The following RASL12 variants were observed in gnomAD, a reference collection of about 807,000 sequenced individuals.
RASL12 encodes ras-like protein family member 12.
In RASL12, 16 loss-of-function variants were observed where a neutral mutation model predicts 22.9. The observed-to-expected ratio is 0.70, with a 90% CI of 0.47 to 1.06. The LOEUF (loss-of-function observed/expected upper bound fraction) is 1.06, where lower values mean the gene tolerates loss of function less well. RASL12 is among the 50% of genes least tolerant of loss of function. The pLI is 0.00. For missense variants in RASL12, 306 were observed against 353.1 expected (o/e 0.87, Z 1.07); for synonymous variants, 159 against 152.2 (o/e 1.04, Z -0.33).
At chr15:65,068,100 C>A, upstream of RASL12, 3 of 1,046,132 alleles carry the variant, frequency 2.9e-6, no homozygotes, top group Non-Finnish European at 3.4e-6. This position sits in a 1 kb window ranked among gnomAD's most constrained non-coding sequence, Gnocchi z 4.2. Flanking sequence ...CGCGCTCAGC[C>A]GGCTCCTGGA....
chr15:65,057,191 G>A (rs1055980629), intron 4 of RASL12, among the ~76,000 whole-genome samples: 3 of 152,118 alleles, frequency 2.0e-5, no homozygotes, highest in Admixed American at 1.3e-4. Context: ...CATCTGACCC[G>A]TTCTAAACAA....
At position 65,055,183 on chromosome 15, in the gene RASL12, G is replaced by A. The variant is rs1243823740; in HGVS notation, c.517C>T (p.Gln173Ter). The A allele has an allele frequency of 6.2e-7, 1 of 1,612,466 alleles. No homozygotes were observed. The highest frequency in any genetic ancestry group is 1.7e-5 in the Admixed American group (1 of 59,932). The part of the protein sequence containing the change: ...VSACLDFEHV[Q>*]HVFHEAVREA... ...CGCACTGCCTCGTGGAAGACATGCT[G>A]CACGTGCTCAAAGTCCAGACAGGCA... Residue 173 changes from glutamine (Q) to a stop codon, truncating the protein, a stop_gained, in exon 5 of 5, where the codon CAG becomes TAG. Transcript: ENST00000220062. LOFTEE classifies it high-confidence loss of function.
At chr15:65,071,305 A>G (rs2414872), upstream of RASL12, among the ~76,000 whole-genome samples, 130,690 of 152,090 alleles carry the variant, frequency 0.86, 56,225 homozygotes, top group East Asian at 0.99. Context: ...CACACAGTGT[A>G]GGGGATGCGG....
rs776965372 is a variant in RASL12, at chr15:65,058,545, G to A, written c.307C>T (p.Arg103Cys). ...CTGCTGCTGCTATCAAAGCTCTGGC[G>A]GCTGTCGACGCTGTACACCACCAGG... is the stretch of plus-strand genomic sequence containing the variant. ...AFLVVYSVDS[R>C]QSFDSSSSYL... Residue 103 changes from arginine to cysteine, a missense_variant, in exon 4 of 5, where the codon CGC becomes TGC. Transcript: ENST00000220062. 28 of 1,611,370 alleles carry A rather than the reference G, an allele frequency of 1.7e-5. No individual in the cohort carries two copies. Among genetic ancestry groups the A allele is most frequent in the South Asian group, 9.9e-5 (9 of 90,706 alleles).
At chr15:65,075,038 G>A (rs918448368) in intron 1 of RASL12, among the ~76,000 whole-genome samples, 7 of 152,238 alleles carry the variant, frequency 4.6e-5, no homozygotes, top group Admixed American at 3.3e-4. Context: ...AGGCGCGAGC[G>A]GGAACCGGGG....
At chr15:65,053,272 CTTTTT>C (rs989710646), downstream of RASL12, 83 of 1,435,702 alleles carry the variant, frequency 5.8e-5, no homozygotes, top group Admixed American at 1.2e-4. Context: ...CCGCTTTTTT[CTTTTT>C]CTTTCTTTCT....
upstream of RASL12, among the ~76,000 whole-genome samples, chr15:65,069,337 G>C (rs1172749163): frequency 6.6e-6 from 1 of 152,188 alleles, no homozygotes; most frequent in Non-Finnish European, 1.5e-5. Context: ...AATGGCCAAG[G>C]GTTTTCCTTT....
Position 65,062,332 on chromosome 15 carries a change from C to T in RASL12, c.160+2885G>A, listed in dbSNP as rs79585136. ...CGGTGCAACTCTTACACAGCCAGAG[C>T]ACAGGCTATTGGTCCCATCTTCCAG... On this transcript the variant is annotated intron_variant, in intron 2 of 4. Transcript: ENST00000220062. Among the ~76,000 whole-genome samples the T allele has an allele frequency of 1.7e-3, 256 of 152,332 alleles. 1 individual carries two copies. The highest frequency in any genetic ancestry group is 5.9e-3 in the African/African-American group (246 of 41,576).
intron 1 of RASL12, among the ~76,000 whole-genome samples, chr15:65,073,054 C>G (rs1389986404): frequency 6.6e-6 from 1 of 151,924 alleles, no homozygotes; most frequent in Non-Finnish European, 1.5e-5. Context: ...AAAAAAGAAA[C>G]AAACAAACAA....
downstream of RASL12, chr15:65,051,576 C>T: frequency 6.2e-7 from 1 of 1,613,620 alleles, no homozygotes; most frequent in Non-Finnish European, 8.5e-7. Flanking sequence ...TAAGCATGGT[C>T]CTCCTGGGAA....
At chr15:65,059,235 G>T in intron 3 of RASL12, 110 bp downstream of exon 3, 4 of 886,578 alleles carry the variant, frequency 4.5e-6, no homozygotes, top group Non-Finnish European at 5.6e-6. Flanking sequence ...CAGCAAAGTT[G>T]AGCTTAAAAG....
At chr15:65,073,727 T>C (rs2086947111) in intron 1 of RASL12, among the ~76,000 whole-genome samples, 1 of 152,202 alleles carries the variant, frequency 6.6e-6, no homozygotes, top group African/African-American at 2.4e-5. Context: ...AGTCTCTTCA[T>C]ATATGAAATA....
downstream of RASL12, among the ~76,000 whole-genome samples, chr15:65,052,699 C>T (rs1339777622): frequency 6.6e-6 from 1 of 152,040 alleles, no homozygotes. Context: ...ACCTGGTCTC[C>T]TTGAAGCACA....
At chr15:65,073,084 A>T (rs569241354) in intron 1 of RASL12, among the ~76,000 whole-genome samples, 50 of 152,108 alleles carry the variant, frequency 3.3e-4, no homozygotes, top group African/African-American at 1.2e-3. Context: ...AAACCAACGA[A>T]CCAAACAAAC....
In RASL12 at chr15:65,054,696, G is replaced by A. The variant is rs916768442; in HGVS notation, c.*203C>T. The A allele has an allele frequency of 9.3e-6, 13 of 1,400,746 alleles. No individual in the cohort carries two copies. The African/African-American group carries it at 1.3e-4, about 14-fold the overall frequency. The allele number at this position is 1,400,746 out of a possible 1,614,324, so 86.8% of individuals were successfully genotyped here. On this transcript the variant is annotated 3_prime_UTR_variant, in exon 5 of 5. Coordinates refer to ENST00000220062, the MANE Select transcript of RASL12 (RefSeq NM_016563.4). ...CGGCCACAGACGCGGTGGTTACCAT[G>A]AAGACCAAGGCCTGGAGGGAACAGA... is the stretch of plus-strand genomic sequence containing the variant.
the RASL12 span, among the ~76,000 whole-genome samples, chr15:65,048,298 G>A: frequency 6.6e-6 from 1 of 151,948 alleles, no homozygotes; most frequent in Non-Finnish European, 1.5e-5. Context: ...AGTCAGTATT[G>A]TATTTGTGTC....
rs2086714430 is a variant in RASL12, at chr15:65,055,157, T to G, written c.543A>C (p.Arg181=). Reference sequence around the variant, plus strand: ...TCTTCTCCAGCTCCCGCCGTGCCTCTCGCACTGCCTCGTGGAAGACATGCT... The same window carrying G: ...TCTTCTCCAGCTCCCGCCGTGCCTCGCGCACTGCCTCGTGGAAGACATGCT... The part of the protein sequence containing the change: ...HVQHVFHEAV[R]EARRELEKSP... The change falls in exon 5 of 5, where the codon CGA becomes CGC. Residue 181 remains arginine (R), a synonymous_variant. Coordinates refer to ENST00000220062, the MANE Select transcript of RASL12 (RefSeq NM_016563.4). 9 of 1,612,400 alleles carry G rather than the reference T, an allele frequency of 5.6e-6. No individual in the cohort carries two copies. The highest frequency in any genetic ancestry group is 7.6e-6 in the Non-Finnish European group (9 of 1,179,662).
chr15:65,067,009 C>A (rs2086885812), intron 1 of RASL12, among the ~76,000 whole-genome samples: 1 of 152,228 alleles, frequency 6.6e-6, no homozygotes, highest in Admixed American at 6.5e-5. Context: ...CAATCCCATG[C>A]ACCTGGAACC....
rs777830424 is a variant in RASL12, at chr15:65,067,839, G to A, written c.-4C>T. The A allele has an allele frequency of 7.2e-6, 11 of 1,519,308 alleles. No individual in the cohort carries two copies. Among genetic ancestry groups the A allele is most frequent in the Non-Finnish European group, 9.7e-6 (11 of 1,138,874 alleles). The allele number at this position is 1,519,308 out of a possible 1,614,324, so 94.1% of individuals were successfully genotyped here. ...GTTTTCCAAACACCGAGGACATGGC[G>A]ACGCCCTGGACGGCCACGCAGGTCT... On this transcript the variant is annotated 5_prime_UTR_variant, in exon 1 of 5. Transcript: ENST00000220062.
Sources: allele counts gnomAD v4.1 joint callset (sites outside exome capture counted in the v4.1 genomes callset), GRCh38; gene constraint gnomAD v4.1.1; non-coding constraint Gnocchi (gnomAD v3.1); transcripts MANE v1.5; gene names NCBI Gene and HGNC (gene_info 2026-07-23, HGNC 2026-07-21).